The following NT5C2 variants were observed in gnomAD, a reference collection of about 807,000 sequenced individuals.
NT5C2 encodes the protein cytosolic purine 5'-nucleotidase.
NT5C2 carries 58 observed loss-of-function variants against 76.1 expected under a neutral mutation model. The observed-to-expected ratio is 0.76, with a 90% CI of 0.62 to 0.95. NT5C2 has a LOEUF of 0.95. Ranked by LOEUF, NT5C2 falls within the 40% of genes least tolerant of loss-of-function variation. NT5C2 has a pLI of 0.00. For synonymous variants in NT5C2, 229 were observed against 237.4 expected (o/e 0.96, Z 0.32); for missense variants, 478 against 690.3 (o/e 0.69, Z 3.45).
At chr10:103,187,694 A>G (rs2092207242) in intron 1 of NT5C2, among the ~76,000 whole-genome samples, 1 of 151,144 alleles carries the variant, frequency 6.6e-6, no homozygotes, top group Admixed American at 6.6e-5. Flanking sequence ...GAGCTATTTC[A>G]ATCTACACAC....
chr10:103,132,218 T>A (rs2148197), intron 4 of NT5C2, among the ~76,000 whole-genome samples: 2 of 147,924 alleles, frequency 1.4e-5, no homozygotes, highest in Admixed American at 6.8e-5. Flanking sequence ...CCAGCCTGGG[T>A]AACAAGAGCA....
At chr10:103,098,648 G>A in intron 10 of NT5C2, 1 of 350,526 alleles carries the variant, frequency 2.9e-6, no homozygotes, top group Non-Finnish European at 5.2e-6. Flanking sequence ...ACCTCTAACT[G>A]CTATTATAAT....
intron 4 of NT5C2, among the ~76,000 whole-genome samples, chr10:103,110,958 A>C (rs2072863821): frequency 6.6e-6 from 1 of 152,248 alleles, no homozygotes; most frequent in Admixed American, 6.5e-5. Flanking sequence ...TCCTTTAAAA[A>C]TAAAAGTAAA....
chr10:103,127,015 C>T (rs1206239667), intron 4 of NT5C2, among the ~76,000 whole-genome samples: 1 of 152,068 alleles, frequency 6.6e-6, no homozygotes, highest in East Asian at 1.9e-4. Flanking sequence ...TCATTAGGTT[C>T]CCCAGGCTGG....
Position 103,119,375 on chromosome 10 carries a change from A to G in NT5C2, c.176-12669T>C, listed in dbSNP as rs539651745. Among the ~76,000 whole-genome samples, 3 of 152,270 alleles carry G rather than the reference A, an allele frequency of 2.0e-5. No individual in the cohort carries two copies. In the East Asian group the frequency reaches 5.8e-4, roughly 29 times the overall value. ...CAAGAGCAAAATTTTGTCTCCAAAA[A>G]AAAGTCAGAGGGTATATACAGGTTG... On this transcript the variant is annotated intron_variant, in intron 4 of 18. Coordinates refer to ENST00000404739, the MANE Select transcript of NT5C2 (RefSeq NM_001351169.2).
intron 4 of NT5C2, among the ~76,000 whole-genome samples, chr10:103,110,604 A>G (rs2135406103): frequency 6.6e-6 from 1 of 152,354 alleles, no homozygotes; most frequent in Admixed American, 6.5e-5. Context: ...CTAGTCCAAA[A>G]TAAACTGCTC....
chr10:103,172,247 A>ATTT lies in NT5C2; in HGVS notation c.101+2608_101+2610dup, dbSNP rs34644789. Among the ~76,000 whole-genome samples, 10 of 141,146 alleles carry ATTT rather than the reference A, an allele frequency of 7.1e-5. 1 individual carries two copies. The highest frequency in any genetic ancestry group is 1.8e-4 in the African/African-American group (7 of 38,360). 92.6% of individuals were successfully genotyped at this position (141,146 alleles called of 152,430 possible). A position where few individuals can be genotyped will look rare whatever the true frequency, so the allele number is the denominator to read the frequency against. On this transcript the variant is annotated intron_variant, in intron 3 of 18. Coordinates refer to ENST00000404739, the MANE Select transcript of NT5C2 (RefSeq NM_001351169.2). ...AATTTAAATACAATTTTAACTTTAA[A>ATTT]TTTTTTTTTTTTTTTTTGAGACGGA...
chr10:103,169,441 A>G (rs2087264336), intron 3 of NT5C2: 1 of 152,080 alleles, frequency 6.6e-6, no homozygotes, highest in African/African-American at 2.4e-5. Flanking sequence ...ACACAGCAAG[A>G]CTTTGTCTCT....
intron 4 of NT5C2, among the ~76,000 whole-genome samples, chr10:103,136,694 A>T (rs2079340945): frequency 1.3e-5 from 2 of 149,976 alleles, no homozygotes; most frequent in Admixed American, 1.3e-4. Flanking sequence ...GCACCATCTC[A>T]GCTCACTGCA....
chr10:103,142,108 C>T (rs983518831), intron 3 of NT5C2, among the ~76,000 whole-genome samples: 1 of 151,784 alleles, frequency 6.6e-6, no homozygotes, highest in Admixed American at 6.6e-5. Context: ...TTTGGTTTTG[C>T]TTCTGTTTGT....
At position 103,185,630 on chromosome 10, in the gene NT5C2, C is replaced by T. The variant is rs951828851; in HGVS notation, c.-168-4302G>A. Among the ~76,000 whole-genome samples the T allele has an allele frequency of 7.3e-4, 82 of 112,840 alleles. 2 individuals are homozygous for T. In the Admixed American group the frequency reaches 9.5e-3, roughly 13 times the overall value. 74.0% of individuals were successfully genotyped at this position (112,840 alleles called of 152,430 possible). A position where few individuals can be genotyped will look rare whatever the true frequency, so the allele number is the denominator to read the frequency against. On this transcript the variant is annotated intron_variant, in intron 1 of 18. Coordinates refer to ENST00000404739, the MANE Select transcript of NT5C2 (RefSeq NM_001351169.2). ...CCACTGCACACTCCAGCCTGGACAA[C>T]AGACAAAGACCCTGTCTCCAAAAAA...
intron 3 of NT5C2, among the ~76,000 whole-genome samples, chr10:103,164,158 T>C (rs1240089770): frequency 6.6e-6 from 1 of 151,964 alleles, no homozygotes; most frequent in African/African-American, 2.4e-5. Flanking sequence ...GTTGGGAGGA[T>C]CACTAGAGCC....
At chr10:103,178,849 A>AAAG (rs1554837599) in intron 2 of NT5C2, among the ~76,000 whole-genome samples, 1 of 150,358 alleles carries the variant, frequency 6.7e-6, no homozygotes, top group Non-Finnish European at 1.5e-5. Context: ...AAAAAAAAAA[A>AAAG]GACAAGCAAG....
intron 4 of NT5C2, among the ~76,000 whole-genome samples, chr10:103,137,506 C>T (rs761534860): frequency 2.2e-4 from 33 of 152,166 alleles, no homozygotes; most frequent in African/African-American, 7.2e-4. Flanking sequence ...TGTTTGAACA[C>T]GTATTATTCA....
At chr10:103,102,651 G>A (rs1232278515) in intron 6 of NT5C2, among the ~76,000 whole-genome samples, 1 of 151,642 alleles carries the variant, frequency 6.6e-6, no homozygotes, top group Non-Finnish European at 1.5e-5. Context: ...CCGGCAAACT[G>A]AGCAGATTTG....
chr10:103,179,714 TAAAAC>T (rs1460743452), intron 2 of NT5C2, among the ~76,000 whole-genome samples: 1 of 152,020 alleles, frequency 6.6e-6, no homozygotes, highest in Non-Finnish European at 1.5e-5. Context: ...AACAAAAAAA[TAAAAC>T]AAACAATAAA....
At chr10:103,189,351 T>C (rs2092415378) in intron 1 of NT5C2, among the ~76,000 whole-genome samples, 1 of 152,072 alleles carries the variant, frequency 6.6e-6, no homozygotes. Flanking sequence ...CTCACGCCTG[T>C]AATCGCAGCA....
At chr10:103,137,388 G>C (rs1247330279) in intron 4 of NT5C2, among the ~76,000 whole-genome samples, 1 of 152,316 alleles carries the variant, frequency 6.6e-6, no homozygotes, top group East Asian at 1.9e-4. Context: ...AAAGAGTATG[G>C]AGGGAAGAGA....
chr10:103,170,497 A>T (rs2087648720), intron 3 of NT5C2, among the ~76,000 whole-genome samples: 1 of 150,998 alleles, frequency 6.6e-6, no homozygotes, highest in African/African-American at 2.4e-5. Context: ...AGGCTATGAT[A>T]CACACACACA....
Sources: allele counts gnomAD v4.1 joint callset (sites outside exome capture counted in the v4.1 genomes callset), GRCh38; gene constraint gnomAD v4.1.1; transcripts MANE v1.5; gene names NCBI Gene and HGNC (gene_info 2026-07-23, HGNC 2026-07-21).